The following KHDRBS2 variants were observed in gnomAD, a reference collection of about 807,000 sequenced individuals.
The protein encoded by KHDRBS2 is KH domain-containing, RNA-binding, signal transduction-associated protein 2.
Under a neutral mutation model 44.3 loss-of-function variants are expected in KHDRBS2, and 26 were observed. The ratio of observed to expected loss-of-function variants is 0.59; its 90% CI spans 0.43 to 0.81. KHDRBS2 has a LOEUF of 0.81. KHDRBS2 is among the 40% of genes least tolerant of loss of function. KHDRBS2 has a pLI of 0.00. For synonymous variants in KHDRBS2, 194 were observed against 151.1 expected, an observed-to-expected ratio of 1.28 and a Z score of -2.08; for missense variants, 476 against 433.1, an observed-to-expected ratio of 1.10 and a Z score of -0.88.
intron 4 of KHDRBS2, among the ~76,000 whole-genome samples, chr6:61,961,625 T>G (rs1768745835): frequency 6.6e-6 from 1 of 151,940 alleles, no homozygotes; most frequent in African/African-American, 2.4e-5. Context: ...AAATGGAGAC[T>G]TGTGGGGAGG....
chr6:61,650,993 C>T, the KHDRBS2 span, among the ~76,000 whole-genome samples: 2 of 152,034 alleles, frequency 1.3e-5, no homozygotes, highest in Non-Finnish European at 2.9e-5. Context: ...TGTACATTCT[C>T]TCTGTTTTCC....
chr6:62,251,161 C>G (rs1836459820), intron 1 of KHDRBS2, among the ~76,000 whole-genome samples: 1 of 151,580 alleles, frequency 6.6e-6, no homozygotes. Context: ...TATTGAATAT[C>G]TTGAATATTC....
intron 8 of KHDRBS2, among the ~76,000 whole-genome samples, chr6:61,696,503 C>A (rs1025572772): frequency 6.6e-6 from 1 of 151,802 alleles, no homozygotes; most frequent in Admixed American, 6.6e-5. Flanking sequence ...GTGATCCGCC[C>A]GCCTCAGCCT....
intron 2 of KHDRBS2, among the ~76,000 whole-genome samples, chr6:62,086,871 G>T (rs931191646): frequency 5.3e-5 from 8 of 151,460 alleles, no homozygotes; most frequent in African/African-American, 1.7e-4. Context: ...GACAGGCAGG[G>T]ATCCATTTCA....
At chr6:62,127,059 G>A (rs1809141737) in intron 2 of KHDRBS2, among the ~76,000 whole-genome samples, 1 of 152,130 alleles carries the variant, frequency 6.6e-6, no homozygotes, top group Non-Finnish European at 1.5e-5. Flanking sequence ...TAATTAGGGA[G>A]CTATTGTCTT....
At chr6:61,644,914 T>C in the KHDRBS2 span, among the ~76,000 whole-genome samples, 1 of 152,120 alleles carries the variant, frequency 6.6e-6, no homozygotes, top group Non-Finnish European at 1.5e-5. Flanking sequence ...TGGTGATTCC[T>C]TGAAGAGCTA....
the KHDRBS2 span, among the ~76,000 whole-genome samples, chr6:61,543,319 T>C: frequency 6.6e-6 from 1 of 151,994 alleles, no homozygotes; most frequent in Admixed American, 6.6e-5. Context: ...TAGACATTTA[T>C]CAGAAGAAGG....
chr6:61,559,592 T>A, the KHDRBS2 span, among the ~76,000 whole-genome samples: 1 of 152,216 alleles, frequency 6.6e-6, no homozygotes, highest in Non-Finnish European at 1.5e-5. Context: ...TTTTTTCATT[T>A]GAAGTAACCA....
At chr6:62,216,715 T>C (rs1015815340) in intron 1 of KHDRBS2, among the ~76,000 whole-genome samples, 1 of 150,494 alleles carries the variant, frequency 6.6e-6, no homozygotes, top group Non-Finnish European at 1.5e-5. Flanking sequence ...TTTTTTGTTT[T>C]ATTAAGCACT....
chr6:62,044,785 T>G (rs979670776), intron 3 of KHDRBS2, among the ~76,000 whole-genome samples: 1 of 152,120 alleles, frequency 6.6e-6, no homozygotes, highest in Non-Finnish European at 1.5e-5. Flanking sequence ...TAATACTTGC[T>G]GATCTAAATT....
intron 4 of KHDRBS2, among the ~76,000 whole-genome samples, chr6:61,966,491 T>C (rs1769971134): frequency 6.6e-6 from 1 of 152,050 alleles, no homozygotes; most frequent in Non-Finnish European, 1.5e-5. Context: ...GGGGACATGA[T>C]AATTTGCATG....
At chr6:61,707,011 T>C (rs1385294742) in intron 7 of KHDRBS2, among the ~76,000 whole-genome samples, 1 of 151,428 alleles carries the variant, frequency 6.6e-6, no homozygotes, top group Non-Finnish European at 1.5e-5. Context: ...AGGGGGAACA[T>C]TAAGTTTTGG....
chr6:61,648,160 T>C, the KHDRBS2 span, among the ~76,000 whole-genome samples: 1 of 152,040 alleles, frequency 6.6e-6, no homozygotes, highest in Non-Finnish European at 1.5e-5. Flanking sequence ...ATAATAATAT[T>C]ATAAGATAAA....
chr6:62,079,066 TA>T lies in KHDRBS2; in HGVS notation c.220-31073del, dbSNP rs374154023. Among the ~76,000 whole-genome samples, 27 of 152,082 alleles carry T rather than the reference TA, an allele frequency of 1.8e-4. No individual in the cohort carries two copies. The East Asian group carries it at 5.2e-3, about 29-fold the overall frequency. On this transcript the variant is annotated intron_variant, in intron 2 of 8. Coordinates refer to ENST00000281156, the MANE Select transcript of KHDRBS2 (RefSeq NM_152688.4). ...CTAGAAAAATTCAGCGGGACATATC[TA>T]AAAAAATTGCTTTAAATCATGAACT...
At chr6:62,191,426 G>A (rs1824587305) in intron 1 of KHDRBS2, among the ~76,000 whole-genome samples, 1 of 151,966 alleles carries the variant, frequency 6.6e-6, no homozygotes, top group Non-Finnish European at 1.5e-5. Context: ...TACTCATTTT[G>A]CATGACTGCC....
At chr6:61,728,691 T>C (rs543956324) in intron 7 of KHDRBS2, among the ~76,000 whole-genome samples, 56 of 152,286 alleles carry the variant, frequency 3.7e-4, no homozygotes, top group Admixed American at 2.0e-3. Flanking sequence ...GTTTGCAGTA[T>C]ATGATTTCAA....
chr6:61,580,772 C>T, the KHDRBS2 span, among the ~76,000 whole-genome samples: 35 of 152,128 alleles, frequency 2.3e-4, no homozygotes, highest in Non-Finnish European at 3.1e-4. Context: ...GACCAGGGAC[C>T]GACCGGTCCG....
chr6:61,909,130 G>T (rs1278537691), intron 4 of KHDRBS2, among the ~76,000 whole-genome samples: 18 of 151,004 alleles, frequency 1.2e-4, no homozygotes, highest in Admixed American at 2.6e-4. Context: ...GCAGGAGCAT[G>T]ATCTCAGCTC....
intron 2 of KHDRBS2, among the ~76,000 whole-genome samples, chr6:62,155,723 T>G (rs1816215572): frequency 6.6e-6 from 1 of 152,236 alleles, no homozygotes; most frequent in Non-Finnish European, 1.5e-5. Flanking sequence ...TTCCCCCATA[T>G]AGTTGTTTTT....
Sources: allele counts gnomAD v4.1 joint callset (sites outside exome capture counted in the v4.1 genomes callset), GRCh38; gene constraint gnomAD v4.1.1; transcripts MANE v1.5; gene names NCBI Gene and HGNC (gene_info 2026-07-23, HGNC 2026-07-21).